The following ZNF804A variants were observed in gnomAD, a reference collection of about 807,000 sequenced individuals.
ZNF804A encodes zinc finger protein 804A.
A neutral mutation model predicts 16.5 loss-of-function variants in ZNF804A; 2 were observed. That is an observed-to-expected ratio of 0.12 (90% confidence interval 0.05 to 0.38). ZNF804A has a LOEUF of 0.38. Among genes scored for constraint, ZNF804A ranks in the 10% least tolerant of loss-of-function variants. The pLI, the probability that ZNF804A is intolerant of heterozygous loss-of-function variation, is 0.99. For synonymous variants in ZNF804A, 534 were observed against 489.6 expected (o/e 1.09, Z -1.20); for missense variants, 1,473 against 1,390.7 (o/e 1.06, Z -0.94).
At chr2:184,682,411 G>A (rs1692557271) in intron 1 of ZNF804A, among the ~76,000 whole-genome samples, 1 of 152,088 alleles carries the variant, frequency 6.6e-6, no homozygotes, top group African/African-American at 2.4e-5. Flanking sequence ...ATGTTAATTT[G>A]GAGTACTTCC....
chr2:184,923,468 G>T (rs1221230411), intron 2 of ZNF804A, among the ~76,000 whole-genome samples: 1 of 151,352 alleles, frequency 6.6e-6, no homozygotes, highest in Non-Finnish European at 1.5e-5. Context: ...GTTTTTTCCA[G>T]GTATAAGATT....
chr2:184,704,936 T>C (rs993470750), intron 1 of ZNF804A, among the ~76,000 whole-genome samples: 4 of 152,194 alleles, frequency 2.6e-5, no homozygotes, highest in East Asian at 1.9e-4. Flanking sequence ...AGAATAGTTC[T>C]CAAATTACAA....
chr2:184,775,634 GTTC>G (rs1404799653), intron 1 of ZNF804A, among the ~76,000 whole-genome samples: 1 of 151,568 alleles, frequency 6.6e-6, no homozygotes, highest in Non-Finnish European at 1.5e-5. Context: ...ACAACAAATT[GTTC>G]TTCTTTTCAT....
At chr2:184,619,835 G>A (rs948421453) in intron 1 of ZNF804A, among the ~76,000 whole-genome samples, 2 of 151,782 alleles carry the variant, frequency 1.3e-5, no homozygotes, top group Admixed American at 6.6e-5. Context: ...AATAAATACA[G>A]CAGAGAAGTC....
chr2:184,904,583 T>C (rs928716215), intron 2 of ZNF804A, among the ~76,000 whole-genome samples: 2 of 152,024 alleles, frequency 1.3e-5, no homozygotes, highest in Admixed American at 6.6e-5. Flanking sequence ...GAAGAAAAAA[T>C]TTATCAACTT....
At chr2:184,673,971 C>A (rs1226806173) in intron 1 of ZNF804A, among the ~76,000 whole-genome samples, 1 of 152,088 alleles carries the variant, frequency 6.6e-6, no homozygotes, top group Non-Finnish European at 1.5e-5. Context: ...AAATAATAAA[C>A]TATCTCACCC....
At chr2:184,778,144 T>C (rs1055651021) in intron 1 of ZNF804A, among the ~76,000 whole-genome samples, 1 of 151,688 alleles carries the variant, frequency 6.6e-6, no homozygotes, top group African/African-American at 2.4e-5. Flanking sequence ...GCTCCTGTTA[T>C]GTCTGATAAT....
chr2:184,631,759 T>G lies in ZNF804A; in HGVS notation c.111+32689T>G, dbSNP rs370571236. Among the ~76,000 whole-genome samples the G allele has an allele frequency of 8.5e-5, 13 of 152,158 alleles. 1 individual carries two copies. Among genetic ancestry groups the G allele is most frequent in the Admixed American group, 5.9e-4 (9 of 15,270 alleles). On this transcript the variant is annotated intron_variant, in intron 1 of 3. Coordinates refer to ENST00000302277, the MANE Select transcript of ZNF804A (RefSeq NM_194250.2). ...CAGATTTCTCTTTTTCCCTTCTAAC[T>G]CAATTGATAACTTTGATTTATGAAA...
intron 2 of ZNF804A, among the ~76,000 whole-genome samples, chr2:184,914,986 T>C (rs1372188783): frequency 6.6e-6 from 1 of 151,748 alleles, no homozygotes; most frequent in Non-Finnish European, 1.5e-5. Context: ...TATTAAGTCA[T>C]ATATATGAAA....
intron 2 of ZNF804A, among the ~76,000 whole-genome samples, chr2:184,932,643 C>T (rs552311207): frequency 1.1e-4 from 16 of 152,106 alleles, no homozygotes; most frequent in Non-Finnish European, 1.6e-4. Context: ...TAAGTGAGTC[C>T]TACTCAAGAT....
Position 184,659,688 on chromosome 2 carries a change from C to T in ZNF804A, c.111+60618C>T, listed in dbSNP as rs554513876. 3.9e-5 allele frequency among the ~76,000 whole-genome samples: 6 copies of T among 152,176 alleles called. No homozygotes were observed. The East Asian group carries it at 9.7e-4, about 25-fold the overall frequency. On this transcript the variant is annotated intron_variant, in intron 1 of 3. Coordinates refer to ENST00000302277, the MANE Select transcript of ZNF804A (RefSeq NM_194250.2). Reference sequence around the variant, plus strand: ...ACTCAGGCATGGCTGACCCCAAAAGCCATGTTCTTAAGTACATCATCATAT... The same window carrying T: ...ACTCAGGCATGGCTGACCCCAAAAGTCATGTTCTTAAGTACATCATCATAT...
chr2:184,730,019 A>G (rs1693487080), intron 1 of ZNF804A, among the ~76,000 whole-genome samples: 1 of 152,134 alleles, frequency 6.6e-6, no homozygotes, highest in Non-Finnish European at 1.5e-5. Flanking sequence ...AATAAATGGT[A>G]ACTACTACTA....
At chr2:184,719,158 C>T (rs1693262067) in intron 1 of ZNF804A, among the ~76,000 whole-genome samples, 1 of 152,196 alleles carries the variant, frequency 6.6e-6, no homozygotes, top group Non-Finnish European at 1.5e-5. Flanking sequence ...TTGGGGATTA[C>T]ACCCTGAAGC....
chr2:184,685,747 A>G (rs1574162183), intron 1 of ZNF804A, among the ~76,000 whole-genome samples: 1 of 152,128 alleles, frequency 6.6e-6, no homozygotes, highest in Non-Finnish European at 1.5e-5. Flanking sequence ...CATGGACTCT[A>G]CCTGGAACAG....
chr2:184,622,336 G>A (rs181115717), intron 1 of ZNF804A, among the ~76,000 whole-genome samples: 2 of 151,422 alleles, frequency 1.3e-5, no homozygotes, highest in East Asian at 1.9e-4. Flanking sequence ...ATGGTTTTTC[G>A]ATTGCTTTCT....
intron 1 of ZNF804A, among the ~76,000 whole-genome samples, chr2:184,684,872 T>C (rs1692602561): frequency 6.6e-6 from 1 of 152,204 alleles, no homozygotes; most frequent in Non-Finnish European, 1.5e-5. Context: ...TCCACATTGC[T>C]GCAAAGGACA....
chr2:184,924,449 C>CT (rs540535507), intron 2 of ZNF804A, among the ~76,000 whole-genome samples: 6 of 151,388 alleles, frequency 4.0e-5, no homozygotes, highest in Non-Finnish European at 8.9e-5. Flanking sequence ...GATCTTCTCT[C>CT]TTTTTTTTCT....
At chr2:184,606,721 T>G (rs1194616153) in intron 1 of ZNF804A, among the ~76,000 whole-genome samples, 1 of 152,162 alleles carries the variant, frequency 6.6e-6, no homozygotes, top group African/African-American at 2.4e-5. Context: ...TGAAAACTTC[T>G]GTAACAACTC....
At chr2:184,817,034 G>A (rs1339311524) in intron 1 of ZNF804A, among the ~76,000 whole-genome samples, 2 of 151,904 alleles carry the variant, frequency 1.3e-5, no homozygotes, top group African/African-American at 2.4e-5. Flanking sequence ...AAAGAGGGCA[G>A]TATTAACACT....
Sources: allele counts gnomAD v4.1 joint callset (sites outside exome capture counted in the v4.1 genomes callset), GRCh38; gene constraint gnomAD v4.1.1; transcripts MANE v1.5; gene names NCBI Gene and HGNC (gene_info 2026-07-23, HGNC 2026-07-21).